Variants in NCOA2 observed in about 807,000 individuals in gnomAD.
The protein encoded by NCOA2 is nuclear receptor coactivator 2.
Under a neutral mutation model 145.1 loss-of-function variants are expected in NCOA2, and 21 were observed. The observed-to-expected ratio is 0.14, with a 90% CI of 0.10 to 0.21. NCOA2 has a LOEUF of 0.21. NCOA2 is among the 10% of genes least tolerant of loss of function. NCOA2 has a pLI of 1.00. For synonymous variants in NCOA2, 619 were observed against 637.5 expected, an observed-to-expected ratio of 0.97 and a Z score of 0.44; for missense variants, 1,472 against 1,837.6, an observed-to-expected ratio of 0.80 and a Z score of 3.64.
intron 2 of NCOA2, among the ~76,000 whole-genome samples, chr8:70,284,954 G>A (rs1243969952): frequency 3.9e-5 from 6 of 152,126 alleles, no homozygotes; most frequent in Admixed American, 6.5e-5. Context: ...TCTATACGGG[G>A]AGAACAGATT....
At chr8:70,164,541 T>C (rs1813402882) in intron 7 of NCOA2, among the ~76,000 whole-genome samples, 1 of 152,154 alleles carries the variant, frequency 6.6e-6, no homozygotes, top group Non-Finnish European at 1.5e-5. Flanking sequence ...GTATTCATGC[T>C]GTAAGGCGGA....
At chr8:70,178,540 CTA>C (rs1249571055) in intron 4 of NCOA2, among the ~76,000 whole-genome samples, 1 of 152,174 alleles carries the variant, frequency 6.6e-6, no homozygotes, top group Non-Finnish European at 1.5e-5. Context: ...GCAGAGTAGC[CTA>C]TGTCTGTGTG....
At chr8:70,196,825 T>C (rs1235580039) in intron 4 of NCOA2, among the ~76,000 whole-genome samples, 1 of 152,228 alleles carries the variant, frequency 6.6e-6, no homozygotes, top group East Asian at 1.9e-4. Context: ...AGGTAGGTAA[T>C]GGAATGCGGA....
In NCOA2 at chr8:70,124,885, A is replaced by G; in HGVS notation, c.3917-20T>C. ...TTATTCCTTAAAAAAAAAAACAGAA[A>G]CAGAAATCCAAAAGAGACTGTTAGT... On this transcript the variant is annotated intron_variant, in intron 19 of 22. Transcript: ENST00000452400. The G allele has an allele frequency of 1.3e-6, 2 of 1,557,016 alleles. No homozygotes were observed. Among genetic ancestry groups the G allele is most frequent in the Non-Finnish European group, 8.6e-7 (1 of 1,156,100 alleles).
At chr8:70,149,285 C>T (rs1042894620) in intron 11 of NCOA2, among the ~76,000 whole-genome samples, 24 of 151,104 alleles carry the variant, frequency 1.6e-4, no homozygotes, top group South Asian at 6.3e-4. Context: ...CCCAGACTGG[C>T]GAGCAGTAGC....
intron 4 of NCOA2, among the ~76,000 whole-genome samples, chr8:70,205,193 G>T (rs545843558): frequency 8.6e-5 from 13 of 152,010 alleles, no homozygotes; most frequent in Non-Finnish European, 1.8e-4. Context: ...TTGGAGATTA[G>T]AAAGTGTTTT....
At chr8:70,193,421 G>A (rs1816906864) in intron 4 of NCOA2, among the ~76,000 whole-genome samples, 1 of 151,296 alleles carries the variant, frequency 6.6e-6, no homozygotes, top group Non-Finnish European at 1.5e-5. Flanking sequence ...GGAAGTGAGG[G>A]AAAAAAAAGA....
chr8:70,330,914 T>G (rs1204611805), intron 1 of NCOA2, among the ~76,000 whole-genome samples: 3 of 152,212 alleles, frequency 2.0e-5, no homozygotes, highest in African/African-American at 7.2e-5. Flanking sequence ...ATGGCAGCTA[T>G]GCAAAGCAAA....
chr8:70,234,379 G>A (rs1370042800), intron 2 of NCOA2, among the ~76,000 whole-genome samples: 1 of 152,140 alleles, frequency 6.6e-6, no homozygotes, highest in Admixed American at 6.5e-5. Context: ...ATATAGCTAG[G>A]AATGGAATCG....
Position 70,113,498 on chromosome 8 carries a change from G to A in NCOA2, c.*134C>T. 1 of 1,017,368 alleles carries A rather than the reference G, an allele frequency of 9.8e-7. No homozygotes were observed. Among genetic ancestry groups the A allele is most frequent in the Non-Finnish European group, 1.5e-6 (1 of 675,852 alleles). The allele number at this position is 1,017,368 out of a possible 1,614,324, so 63.0% of individuals were successfully genotyped here. The stretch of plus-strand genomic sequence containing the variant: ...AGTGGACGCCACCCTGGGAACCAGG[G>A]CCAGGCCTGTCTGCTCTAGCAGAAC... On this transcript the variant is annotated 3_prime_UTR_variant, in exon 23 of 23. Coordinates refer to ENST00000452400, the MANE Select transcript of NCOA2 (RefSeq NM_006540.4).
intron 13 of NCOA2, among the ~76,000 whole-genome samples, chr8:70,142,062 A>G (rs1810495926): frequency 6.6e-6 from 1 of 152,194 alleles, no homozygotes; most frequent in African/African-American, 2.4e-5. Flanking sequence ...TGAGGTGTTA[A>G]CAGTTATCTG....
In NCOA2 at chr8:70,124,877, AAACAG is replaced by A; in HGVS notation, c.3917-17_3917-13del. On this transcript the variant is annotated splice_polypyrimidine_tract_variant and intron_variant, in intron 19 of 22. Transcript: ENST00000452400. ...TTGCTGACTTATTCCTTAAAAAAAA[AAACAG>A]AAACAGAAATCCAAAAGAGACTGTT... is the stretch of plus-strand genomic sequence containing the variant. The A allele has an allele frequency of 9.6e-6, 15 of 1,562,338 alleles. No homozygotes were observed. Among genetic ancestry groups the A allele is most frequent in the South Asian group, 3.6e-5 (3 of 83,030 alleles).
intron 2 of NCOA2, among the ~76,000 whole-genome samples, chr8:70,247,285 G>A (rs1409854421): frequency 3.9e-5 from 6 of 152,092 alleles, no homozygotes; most frequent in Non-Finnish European, 8.8e-5. Context: ...TAATTTCAGA[G>A]ATGAAGAAAA....
At chr8:70,391,341 A>G (rs1813188456) in intron 1 of NCOA2, among the ~76,000 whole-genome samples, 1 of 152,218 alleles carries the variant, frequency 6.6e-6, no homozygotes, top group Non-Finnish European at 1.5e-5. Flanking sequence ...ATCTGAGCCT[A>G]AAACAGAAAT....
chr8:70,293,973 T>C (rs904829855), intron 2 of NCOA2, among the ~76,000 whole-genome samples: 2 of 152,148 alleles, frequency 1.3e-5, no homozygotes, highest in African/African-American at 4.8e-5. Context: ...TAAGGAAGTA[T>C]ATAAATAATA....
intron 2 of NCOA2, among the ~76,000 whole-genome samples, chr8:70,266,238 T>C (rs1054385353): frequency 3.3e-5 from 5 of 152,204 alleles, no homozygotes; most frequent in African/African-American, 1.2e-4. Flanking sequence ...TCACAGTTTA[T>C]TGCAGCCTCA....
At chr8:70,299,738 A>G (rs1827350941) in intron 1 of NCOA2, among the ~76,000 whole-genome samples, 1 of 152,224 alleles carries the variant, frequency 6.6e-6, no homozygotes, top group Admixed American at 6.5e-5. Context: ...GTCATTTGGG[A>G]AAACAGTTTG....
intron 4 of NCOA2, among the ~76,000 whole-genome samples, chr8:70,201,597 G>C (rs983835052): frequency 1.3e-5 from 2 of 152,164 alleles, no homozygotes; most frequent in African/African-American, 4.8e-5. Flanking sequence ...TTAACAAAAG[G>C]TGAACATTTT....
intron 11 of NCOA2, among the ~76,000 whole-genome samples, chr8:70,149,095 G>C (rs1268371344): frequency 1.3e-5 from 2 of 150,730 alleles, no homozygotes; most frequent in African/African-American, 4.9e-5. Flanking sequence ...TTTCTGCTTG[G>C]ACTTTCAATT....
Sources: allele counts gnomAD v4.1 joint callset (sites outside exome capture counted in the v4.1 genomes callset), GRCh38; gene constraint gnomAD v4.1.1; transcripts MANE v1.5; gene names NCBI Gene and HGNC (gene_info 2026-07-23, HGNC 2026-07-21).